Variants in WDFY2 observed in about 807,000 individuals in gnomAD.
WDFY2 encodes the protein WD repeat and FYVE domain containing 2.
A neutral mutation model predicts 56.4 loss-of-function variants in WDFY2; 36 were observed. That is an observed-to-expected ratio of 0.64 (90% CI 0.49 to 0.84). WDFY2 has a LOEUF of 0.84. Ranked by LOEUF, WDFY2 falls within the 40% of genes least tolerant of loss-of-function variation. The probability of loss-of-function intolerance (pLI) is 0.00; values close to 1 mark genes in which losing one functional copy is unlikely to be tolerated. For missense variants in WDFY2, 444 were observed against 512.2 expected (o/e 0.87, Z 1.29); for synonymous variants, 176 against 183.7 (o/e 0.96, Z 0.34).
At chr13:51,756,209 C>A in intron 9 of WDFY2, 123 bp from the exon 10 acceptor site, 1 of 1,409,084 alleles carries the variant, frequency 7.1e-7, no homozygotes, top group South Asian at 1.4e-5. Context: ...TTCTGGGGCT[C>A]TCTTGTTCAG....
At chr13:51,731,010 T>C (rs1952711185) in intron 6 of WDFY2, among the ~76,000 whole-genome samples, 1 of 152,184 alleles carries the variant, frequency 6.6e-6, no homozygotes, top group African/African-American at 2.4e-5. Context: ...GATTGGATTT[T>C]AAAAGGTTGT....
chr13:51,632,429 T>C (rs1430735301), intron 1 of WDFY2, among the ~76,000 whole-genome samples: 1 of 152,192 alleles, frequency 6.6e-6, no homozygotes, highest in Non-Finnish European at 1.5e-5. Context: ...TAGACACAGA[T>C]TTGATCTTCT....
At chr13:51,610,205 A>G (rs1421676312) in intron 1 of WDFY2, among the ~76,000 whole-genome samples, 2 of 148,978 alleles carry the variant, frequency 1.3e-5, no homozygotes, top group Non-Finnish European at 3.0e-5. Context: ...CAGAGTTATC[A>G]TCTTTGCTGA....
intron 2 of WDFY2, among the ~76,000 whole-genome samples, chr13:51,663,447 A>G (rs1955648617): frequency 1.3e-5 from 2 of 152,196 alleles, no homozygotes; most frequent in Non-Finnish European, 2.9e-5. Flanking sequence ...ATCATTTTGA[A>G]ATGATCTTTT....
chr13:51,766,532 G>C lies in WDFY2; in HGVS notation c.*6763G>C, dbSNP rs538331211. 1.3e-5 allele frequency: 2 copies of C among 152,166 alleles called. No individual in the cohort carries two copies. Among genetic ancestry groups the C allele is most frequent in the African/African-American group, 2.4e-5 (1 of 41,426 alleles). The allele number at this position is 152,166 out of a possible 1,614,324, so 9.4% of individuals were successfully genotyped here. On this transcript the variant is annotated 3_prime_UTR_variant, in exon 12 of 12. Coordinates refer to ENST00000298125, the MANE Select transcript of WDFY2 (RefSeq NM_052950.4). ...CCGTGTGGTCTAGCTGGACCCCTCC[G>C]GCATTTGCCACACTCCCTGCCAGTC...
rs543864758 is a variant in WDFY2 at position 51,614,678 on chromosome 13, A to G, written c.137+29854A>G. On this transcript the variant is annotated intron_variant, in intron 1 of 11. Transcript: ENST00000298125. ...AAAGAGCTTCCTGGAAGCTCAGTTC[A>G]GTGACTTCCGCTTACATGTCATTAA... Among the ~76,000 whole-genome samples the G allele has an allele frequency of 1.3e-4, 20 of 152,334 alleles. 1 individual carries two copies. Among genetic ancestry groups the G allele is most frequent in the Admixed American group, 1.3e-3 (20 of 15,304 alleles).
At chr13:51,665,722 G>A (rs1306143907) in intron 2 of WDFY2, among the ~76,000 whole-genome samples, 3 of 152,152 alleles carry the variant, frequency 2.0e-5, no homozygotes, top group Non-Finnish European at 4.4e-5. Context: ...TGCCAAAGAT[G>A]TTGTGAATAG....
chr13:51,644,142 A>G (rs1955224906), intron 1 of WDFY2, among the ~76,000 whole-genome samples: 1 of 152,176 alleles, frequency 6.6e-6, no homozygotes, highest in African/African-American at 2.4e-5. Context: ...AAAACCCACA[A>G]CTATGCAAGG....
At chr13:51,634,287 G>A (rs556670197) in intron 1 of WDFY2, among the ~76,000 whole-genome samples, 1 of 150,800 alleles carries the variant, frequency 6.6e-6, no homozygotes, top group African/African-American at 2.4e-5. Flanking sequence ...CAGAAGTAGT[G>A]GATGAAAATC....
At chr13:51,693,432 C>T (rs1165305492) in intron 3 of WDFY2, among the ~76,000 whole-genome samples, 4 of 151,798 alleles carry the variant, frequency 2.6e-5, no homozygotes, top group South Asian at 2.1e-4. Context: ...GCCTTCATTT[C>T]GTTATGTACC....
intron 5 of WDFY2, among the ~76,000 whole-genome samples, chr13:51,719,682 T>C (rs1244282942): frequency 6.6e-6 from 1 of 152,198 alleles, no homozygotes; most frequent in African/African-American, 2.4e-5. Context: ...CACCAAAATG[T>C]AATCTTTGCT....
intron 3 of WDFY2, among the ~76,000 whole-genome samples, chr13:51,677,714 G>A (rs573165761): frequency 6.6e-6 from 1 of 152,204 alleles, no homozygotes; most frequent in African/African-American, 2.4e-5. Flanking sequence ...GAAATAAGAC[G>A]TAGAGACCAT....
At chr13:51,727,856 G>A in intron 6 of WDFY2, 66 bp downstream of exon 6, 1 of 1,458,054 alleles carries the variant, frequency 6.9e-7, no homozygotes, top group Non-Finnish European at 9.5e-7. Flanking sequence ...TGCATCTCCT[G>A]ATGTTCAGAT....
chr13:51,594,240 C>T (rs1566300903), intron 1 of WDFY2: 1 of 152,194 alleles, frequency 6.6e-6, no homozygotes, highest in Non-Finnish European at 1.5e-5. Context: ...GAAATTTCTT[C>T]CATCACTCCT....
At chr13:51,730,335 ATT>A (rs1376363575) in intron 6 of WDFY2, among the ~76,000 whole-genome samples, 1 of 152,130 alleles carries the variant, frequency 6.6e-6, no homozygotes, top group Non-Finnish European at 1.5e-5. Flanking sequence ...TTTCAGCAGC[ATT>A]TTACATTGTG....
intron 1 of WDFY2, among the ~76,000 whole-genome samples, chr13:51,593,412 C>T (rs1954087685): frequency 6.6e-6 from 1 of 152,054 alleles, no homozygotes; most frequent in African/African-American, 2.4e-5. Context: ...CCTTCTATCC[C>T]CCACCCTGAG....
intron 2 of WDFY2, among the ~76,000 whole-genome samples, chr13:51,664,154 G>A (rs949040832): frequency 6.6e-6 from 1 of 152,166 alleles, no homozygotes; most frequent in Non-Finnish European, 1.5e-5. Context: ...GAGGTTGAGT[G>A]ATCTTGGGGG....
At chr13:51,697,374 A>G (rs963208934) in intron 3 of WDFY2, among the ~76,000 whole-genome samples, 28 of 152,244 alleles carry the variant, frequency 1.8e-4, no homozygotes, top group Admixed American at 1.3e-3. Flanking sequence ...ACTCACGCCT[A>G]TAATCCCAGC....
intron 1 of WDFY2, chr13:51,586,154 A>C (rs1953932606): frequency 2.5e-6 from 1 of 398,204 alleles, no homozygotes; most frequent in African/African-American, 2.1e-5. Context: ...CTTATGAGAA[A>C]GTTTGATTTT....
Sources: allele counts gnomAD v4.1 joint callset (sites outside exome capture counted in the v4.1 genomes callset), GRCh38; gene constraint gnomAD v4.1.1; transcripts MANE v1.5; gene names NCBI Gene and HGNC (gene_info 2026-07-23, HGNC 2026-07-21).